RSRC1: variants seen among roughly 807,000 people sequenced by gnomAD.
RSRC1 encodes the protein serine/Arginine-related protein 53.
A neutral mutation model predicts 49.1 loss-of-function variants in RSRC1; 39 were observed. That is an observed-to-expected ratio of 0.79 (90% confidence interval 0.61 to 1.04). The LOEUF is 1.04. Ranked by LOEUF, RSRC1 falls within the 50% of genes least tolerant of loss-of-function variation. The probability of loss-of-function intolerance (pLI) is 0.00; values close to 1 mark genes in which losing one functional copy is unlikely to be tolerated. For synonymous variants in RSRC1, 143 were observed against 130.8 expected (o/e 1.09, Z -0.63); for missense variants, 388 against 402.4 (o/e 0.96, Z 0.31).
intron 5 of RSRC1, among the ~76,000 whole-genome samples, chr3:158,339,940 T>C (rs1378196983): frequency 1.3e-5 from 2 of 152,134 alleles, no homozygotes; most frequent in Non-Finnish European, 2.9e-5. Flanking sequence ...CTGATGAGAT[T>C]TTCTGAAAGT....
At chr3:158,300,163 A>G (rs1328247372) in intron 5 of RSRC1, among the ~76,000 whole-genome samples, 2 of 152,190 alleles carry the variant, frequency 1.3e-5, no homozygotes, top group East Asian at 3.8e-4. Context: ...GCCAGGTCAT[A>G]TACCTCAAAT....
chr3:158,135,032 G>A (rs1716280247), intron 3 of RSRC1, among the ~76,000 whole-genome samples: 1 of 151,946 alleles, frequency 6.6e-6, no homozygotes, highest in African/African-American at 2.4e-5. Flanking sequence ...AAAGATTCTG[G>A]TAAATGTGCA....
intron 4 of RSRC1, among the ~76,000 whole-genome samples, chr3:158,228,415 A>G (rs1722644155): frequency 7.0e-6 from 1 of 142,508 alleles, no homozygotes; most frequent in African/African-American, 2.6e-5. Flanking sequence ...TACCTTTATA[A>G]TTTTGTTTAT....
intron 6 of RSRC1, among the ~76,000 whole-genome samples, chr3:158,422,571 C>T (rs1436021753): frequency 2.0e-5 from 3 of 150,456 alleles, no homozygotes; most frequent in Non-Finnish European, 4.4e-5. Context: ...CATGATTTAT[C>T]GTCCTTTGGG....
intron 3 of RSRC1, among the ~76,000 whole-genome samples, chr3:158,134,107 TATCA>T (rs1401015720): frequency 6.6e-6 from 1 of 151,528 alleles, no homozygotes; most frequent in African/African-American, 2.4e-5. Flanking sequence ...AGAATAATAA[TATCA>T]GCCTGAAAAT....
chr3:158,289,891 A>G (rs1002265302), intron 4 of RSRC1, among the ~76,000 whole-genome samples: 2 of 151,808 alleles, frequency 1.3e-5, no homozygotes, highest in Non-Finnish European at 1.5e-5. Flanking sequence ...TCTATTGGAT[A>G]CTAGCCAAAA....
chr3:158,489,087 C>T (rs149913182), intron 7 of RSRC1, among the ~76,000 whole-genome samples: 1 of 152,110 alleles, frequency 6.6e-6, no homozygotes, highest in Non-Finnish European at 1.5e-5. Context: ...TATTTTAATC[C>T]ACTTAAAGTT....
At position 158,399,194 on chromosome 3, in the gene RSRC1, G is replaced by A. The variant is rs1467530724; in HGVS notation, c.583+44286G>A. Reference sequence around the variant, plus strand: ...TTTTGAGACGGAGTCTCGCTCTGTCGCCCAGGCTGGAGTGCAGTGGCGGGA... The same window carrying A: ...TTTTGAGACGGAGTCTCGCTCTGTCACCCAGGCTGGAGTGCAGTGGCGGGA... On this transcript the variant is annotated intron_variant, in intron 6 of 9. Transcript: ENST00000611884. Among the ~76,000 whole-genome samples, 2 of 21,614 alleles carry A rather than the reference G, an allele frequency of 9.3e-5. 1 individual carries two copies. The highest frequency in any genetic ancestry group is 1.5e-3 in the Admixed American group (2 of 1,376). The allele number at this position is 21,614 out of a possible 152,430, so 14.2% of individuals were successfully genotyped here.
chr3:158,242,722 T>G (rs1369419576), intron 4 of RSRC1, among the ~76,000 whole-genome samples: 1 of 151,644 alleles, frequency 6.6e-6, no homozygotes, highest in Non-Finnish European at 1.5e-5. Flanking sequence ...TTTTTGTTTT[T>G]TTTTCCCCCC....
At chr3:158,542,781 C>T (rs1020926861) in intron 8 of RSRC1, among the ~76,000 whole-genome samples, 1 of 152,026 alleles carries the variant, frequency 6.6e-6, no homozygotes, top group African/African-American at 2.4e-5. Context: ...TGTGAAAAGC[C>T]ATTGAATTAT....
chr3:158,271,827 T>A (rs1274003027), intron 4 of RSRC1, among the ~76,000 whole-genome samples: 3 of 152,104 alleles, frequency 2.0e-5, no homozygotes, highest in Non-Finnish European at 4.4e-5. Flanking sequence ...ATATGAAATT[T>A]TAAGCACCTG....
rs527851315 is a variant in RSRC1 at position 158,536,394 on chromosome 3, TAGAA to T, written c.653-694_653-691del. On this transcript the variant is annotated intron_variant, in intron 7 of 9. Coordinates refer to ENST00000611884, the MANE Select transcript of RSRC1 (RefSeq NM_001271838.2). ...GGGAAAGGCAGTGGACTGTAAGTGATAGAAAGAGACTTAAGGTACTTACCAACCC... is the reference window on the plus strand; with the variant it reads ...GGGAAAGGCAGTGGACTGTAAGTGATAGAGACTTAAGGTACTTACCAACCC... Among the ~76,000 whole-genome samples the T allele has an allele frequency of 6.6e-5, 10 of 151,632 alleles. No homozygotes were observed. In the South Asian group the frequency reaches 1.9e-3, roughly 28 times the overall value.
intron 5 of RSRC1, among the ~76,000 whole-genome samples, chr3:158,354,533 G>T (rs770994390): frequency 2.0e-4 from 31 of 152,074 alleles, no homozygotes; most frequent in Admixed American, 5.2e-4. Flanking sequence ...GTTTCTATGT[G>T]CAAAGAAATA....
intron 4 of RSRC1, among the ~76,000 whole-genome samples, chr3:158,249,446 T>A (rs1412518616): frequency 6.6e-6 from 1 of 152,222 alleles, no homozygotes; most frequent in African/African-American, 2.4e-5. Context: ...GTATCACTTC[T>A]CTTTGTTGCT....
intron 4 of RSRC1, among the ~76,000 whole-genome samples, chr3:158,251,028 G>A (rs1369962702): frequency 1.3e-5 from 2 of 152,124 alleles, no homozygotes; most frequent in African/African-American, 4.8e-5. Flanking sequence ...GTGAGAAATA[G>A]GAGCCTAGTT....
Position 158,517,990 on chromosome 3 carries a change from G to A in RSRC1, c.653-19102G>A, listed in dbSNP as rs544053919. Among the ~76,000 whole-genome samples the A allele has an allele frequency of 3.4e-5, 5 of 148,634 alleles. No homozygotes were observed. In the East Asian group the frequency reaches 9.8e-4, roughly 29 times the overall value. ...ATATCTTCTGTGTTAAACTAAATTT[G>A]AGGTCCTAGAATAAACCAAACATGG... On this transcript the variant is annotated intron_variant, in intron 7 of 9. Transcript: ENST00000611884.
intron 6 of RSRC1, among the ~76,000 whole-genome samples, chr3:158,400,371 T>G (rs1578429516): frequency 6.6e-6 from 1 of 152,150 alleles, no homozygotes; most frequent in Non-Finnish European, 1.5e-5. Flanking sequence ...GTTTATGTAT[T>G]TACTGTATCA....
chr3:158,146,296 A>G (rs1717112375), intron 3 of RSRC1, among the ~76,000 whole-genome samples: 1 of 152,186 alleles, frequency 6.6e-6, no homozygotes, highest in African/African-American at 2.4e-5. Context: ...ATTTTGAGAT[A>G]CGTCCCATCA....
At chr3:158,235,755 A>C (rs1723204778) in intron 4 of RSRC1, among the ~76,000 whole-genome samples, 1 of 152,228 alleles carries the variant, frequency 6.6e-6, no homozygotes, top group Non-Finnish European at 1.5e-5. Flanking sequence ...TTTTAAAATA[A>C]TGTTTTTCAG....
Sources: gnomAD v4.1 joint callset for allele counts (sites outside exome capture counted in the v4.1 genomes callset) on GRCh38, gnomAD v4.1.1 for gene constraint, MANE v1.5 for transcripts, NCBI Gene and HGNC (gene_info 2026-07-23, HGNC 2026-07-21) for gene names.